The following GALNTL6 variants were observed in gnomAD, a reference collection of about 807,000 sequenced individuals.
GALNTL6 encodes the protein polypeptide N-acetylgalactosaminyltransferase like 6.
A neutral mutation model predicts 73.7 loss-of-function variants in GALNTL6; 46 were observed. The ratio of observed to expected loss-of-function variants is 0.62; its 90% CI spans 0.49 to 0.80. The LOEUF is 0.80. Ranked by LOEUF, GALNTL6 falls within the 30% of genes least tolerant of loss-of-function variation. The probability of loss-of-function intolerance (pLI) is 0.00; values close to 1 mark genes in which losing one functional copy is unlikely to be tolerated. For synonymous variants in GALNTL6, 259 were observed against 263.7 expected (o/e 0.98, Z 0.17); for missense variants, 604 against 755.0 (o/e 0.80, Z 2.34).
intron 8 of GALNTL6, 131 bp downstream of exon 8, chr4:172,883,038 A>G (rs1041151093): frequency 1.1e-5 from 6 of 556,708 alleles, no homozygotes; most frequent in Non-Finnish European, 1.9e-5. Flanking sequence ...TTCCCAAGTG[A>G]GCTCTTGTAG....
intron 10 of GALNTL6, among the ~76,000 whole-genome samples, chr4:173,008,784 G>C (rs971080359): frequency 2.0e-5 from 3 of 152,152 alleles, no homozygotes; most frequent in Non-Finnish European, 2.9e-5. Context: ...TGTTCCACTG[G>C]AATTCAATAT....
intron 2 of GALNTL6, among the ~76,000 whole-genome samples, chr4:171,978,661 A>T (rs1431586446): frequency 6.6e-6 from 1 of 151,746 alleles, no homozygotes; most frequent in Non-Finnish European, 1.5e-5. Flanking sequence ...AAATTATTCC[A>T]AGCTAGGAAA....
At chr4:172,421,509 A>T (rs922232941) in intron 5 of GALNTL6, among the ~76,000 whole-genome samples, 2 of 151,912 alleles carry the variant, frequency 1.3e-5, no homozygotes, top group Non-Finnish European at 2.9e-5. Context: ...GAGATAAAAT[A>T]AAAAGGATGA....
At chr4:172,108,910 G>A (rs893894754) in intron 2 of GALNTL6, among the ~76,000 whole-genome samples, 3 of 151,066 alleles carry the variant, frequency 2.0e-5, no homozygotes, top group African/African-American at 7.3e-5. Flanking sequence ...CTGATCGGGA[G>A]GCTGAGTCAG....
At chr4:172,035,356 C>T (rs910859373) in intron 2 of GALNTL6, among the ~76,000 whole-genome samples, 4 of 152,040 alleles carry the variant, frequency 2.6e-5, no homozygotes, top group African/African-American at 9.7e-5. Context: ...AATTTGGACT[C>T]CTCAAGCCAG....
chr4:172,518,122 C>T (rs1734666183), intron 5 of GALNTL6, among the ~76,000 whole-genome samples: 1 of 151,428 alleles, frequency 6.6e-6, no homozygotes, highest in South Asian at 2.1e-4. Flanking sequence ...GTTAGAGTCA[C>T]CAAAGGGATC....
At chr4:172,357,587 G>T (rs550669616) in intron 5 of GALNTL6, among the ~76,000 whole-genome samples, 1 of 151,110 alleles carries the variant, frequency 6.6e-6, no homozygotes, top group East Asian at 2.0e-4. Context: ...TCAAAACGTA[G>T]ATTGGGAAGA....
intron 2 of GALNTL6, among the ~76,000 whole-genome samples, chr4:172,137,436 G>C (rs116313021): frequency 0.02 from 3,096 of 152,236 alleles, 102 homozygotes; most frequent in African/African-American, 0.069. Context: ...TATGGTAATA[G>C]TTTCTTCTTC....
At chr4:172,498,152 G>T (rs760829971) in intron 5 of GALNTL6, among the ~76,000 whole-genome samples, 1 of 151,744 alleles carries the variant, frequency 6.6e-6, no homozygotes, top group African/African-American at 2.4e-5. Flanking sequence ...CACCACACCC[G>T]GCTAATTTTT....
intron 2 of GALNTL6, among the ~76,000 whole-genome samples, chr4:171,863,761 CTT>C (rs34368913): frequency 3.4e-5 from 5 of 145,440 alleles, no homozygotes; most frequent in African/African-American, 1.0e-4. Flanking sequence ...AAAAGGAACA[CTT>C]TTTTTTTTTT....
chr4:171,842,796 T>C (rs1037086579), intron 2 of GALNTL6, among the ~76,000 whole-genome samples: 2 of 152,084 alleles, frequency 1.3e-5, no homozygotes, highest in African/African-American at 4.8e-5. Context: ...CCTCCAACAC[T>C]GGAAATCACA....
intron 5 of GALNTL6, among the ~76,000 whole-genome samples, chr4:172,433,893 T>C (rs954724130): frequency 6.6e-6 from 1 of 152,112 alleles, no homozygotes; most frequent in African/African-American, 2.4e-5. Context: ...AGTACACAGG[T>C]TTGTAACACT....
At chr4:172,829,193 A>T (rs1049606075) in intron 7 of GALNTL6, among the ~76,000 whole-genome samples, 1 of 152,218 alleles carries the variant, frequency 6.6e-6, no homozygotes, top group African/African-American at 2.4e-5. Flanking sequence ...CACTCTTCGG[A>T]GCGCAAAACA....
intron 10 of GALNTL6, among the ~76,000 whole-genome samples, chr4:172,974,383 G>A (rs943946368): frequency 5.3e-5 from 8 of 151,928 alleles, no homozygotes; most frequent in Admixed American, 6.5e-5. Flanking sequence ...GTTACCTAGA[G>A]TACTTTCCTC....
At chr4:172,675,311 T>C (rs1432985312) in intron 5 of GALNTL6, among the ~76,000 whole-genome samples, 1 of 152,214 alleles carries the variant, frequency 6.6e-6, no homozygotes, top group East Asian at 1.9e-4. Context: ...CCAACTTTGT[T>C]CACTGGCTCC....
chr4:172,883,059 T>C (rs1169537700), intron 8 of GALNTL6, 152 bp downstream of exon 8: 4 of 526,032 alleles, frequency 7.6e-6, no homozygotes, highest in Admixed American at 7.4e-5. Flanking sequence ...TTTCTTTCTT[T>C]TTTGGTTTTT....
chr4:173,032,939 G>A (rs1385012189), intron 12 of GALNTL6, among the ~76,000 whole-genome samples: 1 of 152,190 alleles, frequency 6.6e-6, no homozygotes, highest in African/African-American at 2.4e-5. Context: ...AAGGTTTGCT[G>A]TAGCCAGCAC....
chr4:171,865,242 G>C (rs1442851217), intron 2 of GALNTL6, among the ~76,000 whole-genome samples: 4 of 152,106 alleles, frequency 2.6e-5, no homozygotes, highest in Admixed American at 6.5e-5. Context: ...TGGTTTCTAT[G>C]AGTCAAGAAA....
intron 2 of GALNTL6, among the ~76,000 whole-genome samples, chr4:171,883,653 C>CTT (rs796547805): frequency 9.9e-4 from 143 of 144,014 alleles, no homozygotes; most frequent in African/African-American, 2.9e-3. Flanking sequence ...CTTTTCTTTT[C>CTT]TTTTTTTTTT....
Sources: gnomAD v4.1 joint callset for allele counts (sites outside exome capture counted in the v4.1 genomes callset) on GRCh38, gnomAD v4.1.1 for gene constraint, MANE v1.5 for transcripts, NCBI Gene and HGNC (gene_info 2026-07-23, HGNC 2026-07-21) for gene names.